CGNL1: variants seen among roughly 807,000 people sequenced by gnomAD.
The protein encoded by CGNL1 is cingulin-like protein 1.
Under a neutral mutation model 141.2 loss-of-function variants are expected in CGNL1, and 132 were observed. That is an observed-to-expected ratio of 0.93 (90% CI 0.81 to 1.08). The LOEUF (loss-of-function observed/expected upper bound fraction) is 1.08. Ranked by LOEUF, CGNL1 falls within the 50% of genes least tolerant of loss-of-function variation. CGNL1 has a pLI of 0.00. For missense variants in CGNL1, 1,870 were observed against 1,588.6 expected (o/e 1.18, Z -3.01); for synonymous variants, 690 against 622.1 (o/e 1.11, Z -1.63).
intron 1 of CGNL1, among the ~76,000 whole-genome samples, chr15:57,428,689 T>A (rs1341513904): frequency 6.6e-6 from 1 of 151,982 alleles, no homozygotes; most frequent in Non-Finnish European, 1.5e-5. Flanking sequence ...GGAGACAGAT[T>A]TTTACTGGAG....
chr15:57,517,704 G>T (rs1447599125), intron 9 of CGNL1, among the ~76,000 whole-genome samples: 2 of 152,198 alleles, frequency 1.3e-5, no homozygotes, highest in South Asian at 4.1e-4. Flanking sequence ...GAACTGACTG[G>T]CCAGAGGGGG....
chr15:57,523,699 C>A, intron 11 of CGNL1, 58 bp downstream of exon 11: 2 of 1,588,668 alleles, frequency 1.3e-6, no homozygotes, highest in South Asian at 2.3e-5. Flanking sequence ...TGGACCCAGT[C>A]CCCTCTGAGG....
intron 1 of CGNL1, among the ~76,000 whole-genome samples, chr15:57,411,007 C>G (rs1323529067): frequency 6.6e-6 from 1 of 151,944 alleles, no homozygotes. Context: ...GTTACTGTAC[C>G]ACAAAGACCA....
intron 1 of CGNL1, chr15:57,405,309 T>C (rs1342106702): frequency 6.6e-6 from 1 of 152,294 alleles, no homozygotes; most frequent in African/African-American, 2.4e-5. Context: ...TTCCCTACTC[T>C]TGAGCGGGGC....
At position 57,439,186 on chromosome 15, in the gene CGNL1, G is replaced by T. The variant is rs148544821; in HGVS notation, c.1187G>T (p.Gly396Val). Residue 396 changes from glycine (G) to valine (V), a missense_variant, in exon 2 of 19, where the codon GGC (glycine) becomes GTC (valine). Transcript: ENST00000281282. Reference sequence around the variant, plus strand: ...AGCGTGGATAGCGCCTTTCCTTTTGGCCTCCAAGGGAACTCGGAGTACCTG... The same window carrying T: ...AGCGTGGATAGCGCCTTTCCTTTTGTCCTCCAAGGGAACTCGGAGTACCTG... ...SRSVDSAFPF[G>V]LQGNSEYLIE... is the part of the protein sequence containing the mutation. 3,765 of 1,614,138 alleles carry T rather than the reference G, an allele frequency of 2.3e-3. 8 individuals carry two copies. Among genetic ancestry groups the T allele is most frequent in the Non-Finnish European group, 2.9e-3 (3,471 of 1,180,010 alleles).
intron 1 of CGNL1, among the ~76,000 whole-genome samples, chr15:57,378,176 G>T (rs1342658516): frequency 6.6e-6 from 1 of 151,980 alleles, no homozygotes; most frequent in Non-Finnish European, 1.5e-5. Context: ...GCTAAATTAG[G>T]TCATATATTT....
intron 10 of CGNL1, among the ~76,000 whole-genome samples, chr15:57,522,909 T>G (rs1312464288): frequency 6.6e-6 from 1 of 152,210 alleles, no homozygotes. Context: ...CACCAACCTG[T>G]GTGTTTCCAA....
intron 8 of CGNL1, among the ~76,000 whole-genome samples, chr15:57,512,044 G>A (rs991689553): frequency 1.3e-5 from 2 of 152,156 alleles, no homozygotes; most frequent in Non-Finnish European, 2.9e-5. Flanking sequence ...TGTCCCCAGG[G>A]AACTTCCACT....
intron 1 of CGNL1, among the ~76,000 whole-genome samples, chr15:57,380,071 C>T (rs2062408366): frequency 6.6e-6 from 1 of 152,180 alleles, no homozygotes; most frequent in Non-Finnish European, 1.5e-5. Flanking sequence ...TCTGCTCTGT[C>T]ACCCAGGCTG....
chr15:57,530,132 C>A (rs775790182), intron 13 of CGNL1, among the ~76,000 whole-genome samples: 1 of 152,206 alleles, frequency 6.6e-6, no homozygotes, highest in Non-Finnish European at 1.5e-5. Flanking sequence ...TGGCCGGCAC[C>A]CTTAACACTC....
Position 57,546,160 on chromosome 15 carries a change from C to T in CGNL1, c.3694C>T (p.Leu1232=). Residue 1232 remains leucine, a synonymous_variant, in exon 18 of 19, where the codon CTG becomes TTG. Transcript: ENST00000281282. ...IDRLESSKKK[L]QRELEEQMDM... ...CAGACTGGAAAGTTCTAAAAAGAAG[C>T]TGCAGAGGGAGCTGGAGGAGCAGAT... 6.2e-7 allele frequency: 1 copy of T among 1,613,174 alleles called. No individual in the cohort carries two copies. Among genetic ancestry groups the T allele is most frequent in the Non-Finnish European group, 8.5e-7 (1 of 1,179,628 alleles).
In CGNL1 at chr15:57,531,815, C is replaced by T. The variant is rs766924595; in HGVS notation, c.3291+36C>T. On this transcript the variant is annotated intron_variant, in intron 14 of 18. Coordinates refer to ENST00000281282, the MANE Select transcript of CGNL1 (RefSeq NM_032866.5). The stretch of plus-strand genomic sequence containing the variant: ...ATAGGTGAATGATGCGTGGATTGTC[C>T]TGTGTGAAAAAGGAACATGAGGGGT... 7.4e-6 allele frequency: 10 copies of T among 1,350,442 alleles called. No homozygotes were observed. The South Asian group carries it at 1.1e-4, about 14-fold the overall frequency. The allele number at this position is 1,350,442 out of a possible 1,614,324, so 83.7% of individuals were successfully genotyped here. A position where few individuals can be genotyped will look rare whatever the true frequency, so the allele number is the denominator to read the frequency against.
rs2063449910 is a variant in CGNL1 at position 57,461,776 on chromosome 15, C to T, written c.2287C>T (p.Leu763=). 6.2e-7 allele frequency: 1 copy of T among 1,614,126 alleles called. No individual in the cohort carries two copies. Among genetic ancestry groups the T allele is most frequent in the Non-Finnish European group, 8.5e-7 (1 of 1,180,022 alleles). The change falls in exon 8 of 19, where the codon CTG becomes TTG. Residue 763 remains leucine, a synonymous_variant. Transcript: ENST00000281282. ...LRKRERELTA[L]KGALKEEVSS... ...AAAGCGAGAGCGTGAACTCACCGCC[C>T]TGAAGGGAGCCCTGAAAGAAGAGGT... is the stretch of plus-strand genomic sequence containing the variant.
intron 1 of CGNL1, among the ~76,000 whole-genome samples, chr15:57,423,407 G>GT (rs1223148789): frequency 3.4e-4 from 52 of 150,966 alleles, no homozygotes; most frequent in African/African-American, 1.1e-3. Flanking sequence ...AAGGGGAAGA[G>GT]TGTGGGATGG....
At position 57,438,700 on chromosome 15, in the gene CGNL1, G is replaced by A. The variant is rs1271106835; in HGVS notation, c.701G>A (p.Cys234Tyr). Residue 234 changes from cysteine to tyrosine, a missense_variant, in exon 2 of 19, where the codon TGT becomes TAT. Coordinates refer to ENST00000281282, the MANE Select transcript of CGNL1 (RefSeq NM_032866.5). ...GACCCCAAAAAGCAGACCTCAGTGT[G>A]TGTAAACGTTCAGAGCTGCACCAAG... ...IEDPKKQTSV[C>Y]VNVQSCTKER... 8.7e-6 allele frequency: 14 copies of A among 1,614,062 alleles called. No individual in the cohort carries two copies. The highest frequency in any genetic ancestry group is 1.3e-5 in the African/African-American group (1 of 74,920).
Position 57,544,569 on chromosome 15 carries a change from C to G in CGNL1, c.3472C>G (p.Leu1158Val). The G allele has an allele frequency of 6.3e-7, 1 of 1,596,302 alleles. No homozygotes were observed. Among genetic ancestry groups the G allele is most frequent in the East Asian group, 2.2e-5 (1 of 44,462 alleles). Reference sequence around the variant, plus strand: ...GCAGATGGAGGCCAGGATCGCGGAGCTGGAGGACCGCCTGGAGAGTGAGGA... The same window carrying G: ...GCAGATGGAGGCCAGGATCGCGGAGGTGGAGGACCGCCTGGAGAGTGAGGA... ...VVQMEARIAE[L>V]EDRLESEERD... Residue 1158 changes from leucine to valine, a missense_variant, in exon 16 of 19, where the codon CTG (leucine) becomes GTG (valine). Coordinates refer to ENST00000281282, the MANE Select transcript of CGNL1 (RefSeq NM_032866.5).
intron 8 of CGNL1, among the ~76,000 whole-genome samples, chr15:57,482,159 T>G (rs2063734370): frequency 6.6e-6 from 1 of 152,124 alleles, no homozygotes; most frequent in Non-Finnish European, 1.5e-5. Context: ...TTTTATGTAT[T>G]CTAGATATGA....
At chr15:57,471,997 G>A (rs1416082129) in intron 8 of CGNL1, among the ~76,000 whole-genome samples, 1 of 151,966 alleles carries the variant, frequency 6.6e-6, no homozygotes, top group Non-Finnish European at 1.5e-5. Flanking sequence ...TAGCTACCAG[G>A]GTGTGTGAGG....
chr15:57,495,360 A>G (rs1040471091), intron 8 of CGNL1, among the ~76,000 whole-genome samples: 4 of 152,176 alleles, frequency 2.6e-5, no homozygotes, highest in Admixed American at 2.0e-4. Flanking sequence ...AACCTCTGCC[A>G]GCTCTGAGAC....
Sources: allele counts gnomAD v4.1 joint callset (sites outside exome capture counted in the v4.1 genomes callset), GRCh38; gene constraint gnomAD v4.1.1; transcripts MANE v1.5; gene names NCBI Gene and HGNC (gene_info 2026-07-23, HGNC 2026-07-21).